TLN2: variants seen among roughly 807,000 people sequenced by gnomAD.
The protein encoded by TLN2 is talin 2.
TLN2 carries 118 observed loss-of-function variants against 294.7 expected under a neutral mutation model. That is an observed-to-expected ratio of 0.40 (90% CI 0.34 to 0.47). The LOEUF (loss-of-function observed/expected upper bound fraction) is 0.47. TLN2 is among the 20% of genes least tolerant of loss of function. The pLI, the probability that TLN2 is intolerant of heterozygous loss-of-function variation, is 0.84. For missense variants in TLN2, 3,083 were observed against 3,282.2 expected (o/e 0.94, Z 1.48); for synonymous variants, 1,431 against 1,304.5 (o/e 1.10, Z -2.09).
Position 62,433,309 on chromosome 15 carries a change from T to C in TLN2, c.-238+42624T>C, listed in dbSNP as rs377596363. Among the ~76,000 whole-genome samples, 3 of 152,202 alleles carry C rather than the reference T, an allele frequency of 2.0e-5. No homozygotes were observed. The South Asian group carries it at 6.2e-4, about 32-fold the overall frequency. ...CTTGTAACTTCTTGTTGTATCTGAATTAAGTCAACTCTAAGGCTGTGGTAT... is the reference window on the plus strand; with the variant it reads ...CTTGTAACTTCTTGTTGTATCTGAACTAAGTCAACTCTAAGGCTGTGGTAT... On this transcript the variant is annotated intron_variant, in intron 1 of 58. Coordinates refer to ENST00000636159, the MANE Select transcript of TLN2 (RefSeq NM_015059.3).
intron 2 of TLN2, among the ~76,000 whole-genome samples, chr15:62,599,370 G>C (rs376107127): frequency 4.6e-5 from 7 of 152,308 alleles, no homozygotes; most frequent in African/African-American, 1.7e-4. Context: ...TGATCTCACT[G>C]TGACTTGAAA....
intron 48 of TLN2, 151 bp from the exon 49 acceptor site, chr15:62,800,217 G>T: frequency 7.9e-7 from 1 of 1,260,600 alleles, no homozygotes; most frequent in Non-Finnish European, 1.1e-6. Flanking sequence ...ATCACCAAGG[G>T]TGGCTTCCCA....
At chr15:62,799,970 T>C (rs868360447) in intron 48 of TLN2, among the ~76,000 whole-genome samples, 20 of 152,168 alleles carry the variant, frequency 1.3e-4, no homozygotes, top group Admixed American at 4.6e-4. Flanking sequence ...GGCAGGGCTG[T>C]TGTGGGGCCT....
intron 1 of TLN2, among the ~76,000 whole-genome samples, chr15:62,460,359 G>T (rs977764738): frequency 1.3e-5 from 2 of 151,686 alleles, no homozygotes; most frequent in African/African-American, 2.4e-5. Flanking sequence ...TCCGCCTCCA[G>T]GTTCAAGCAA....
intron 1 of TLN2, among the ~76,000 whole-genome samples, chr15:62,514,877 C>T (rs1595986520): frequency 2.0e-5 from 3 of 152,162 alleles, no homozygotes; most frequent in Admixed American, 2.0e-4. Context: ...TCAACTTTCC[C>T]AGAAGAGAGT....
At chr15:62,782,600 C>G (rs2064273868) in intron 44 of TLN2, among the ~76,000 whole-genome samples, 1 of 152,206 alleles carries the variant, frequency 6.6e-6, no homozygotes, top group South Asian at 2.1e-4. Context: ...GAAAGAGGCC[C>G]TTCTCACCCC....
At chr15:62,748,496 T>A in intron 33 of TLN2, 52 bp downstream of exon 33, 1 of 1,289,694 alleles carries the variant, frequency 7.8e-7, no homozygotes, top group Non-Finnish European at 1.1e-6. Flanking sequence ...TGTCTGTGTC[T>A]GTGTGTCTGT....
rs943713564 is a variant in TLN2 at position 62,657,154 on chromosome 15, G to T, written c.661-617G>T. Among the ~76,000 whole-genome samples the T allele has an allele frequency of 8.7e-4, 6 of 6,908 alleles. No homozygotes were observed. The South Asian group carries it at 0.036, about 41-fold the overall frequency. The allele number at this position is 6,908 out of a possible 152,430, so 4.5% of individuals were successfully genotyped here. A position where few individuals can be genotyped will look rare whatever the true frequency, so the allele number is the denominator to read the frequency against. ...TAGAGAAAGGAAAGGCTGAAAAGGT[G>T]GGGGGGGGAAGCAACAGCAGTGATG... On this transcript the variant is annotated intron_variant, in intron 8 of 58. Coordinates refer to ENST00000636159, the MANE Select transcript of TLN2 (RefSeq NM_015059.3).
At chr15:62,558,264 A>C (rs1229055910) in intron 1 of TLN2, among the ~76,000 whole-genome samples, 1 of 152,208 alleles carries the variant, frequency 6.6e-6, no homozygotes, top group East Asian at 1.9e-4. Context: ...TTTGTCATCC[A>C]TCTGATGTAG....
intron 1 of TLN2, among the ~76,000 whole-genome samples, chr15:62,442,538 G>A (rs2035606933): frequency 6.7e-6 from 1 of 149,960 alleles, no homozygotes; most frequent in Non-Finnish European, 1.5e-5. Context: ...TCCAGCTGGT[G>A]TCTGCTGGAG....
rs566096861 is a variant in TLN2 at position 62,507,541 on chromosome 15, C to T, written c.-237-82146C>T. Among the ~76,000 whole-genome samples, 11 of 152,300 alleles carry T rather than the reference C, an allele frequency of 7.2e-5. No individual in the cohort carries two copies. The East Asian group carries it at 2.1e-3, about 29-fold the overall frequency. ...ATAACCCAGGCAAGTGCCTGGGAGG[C>T]AGAGCACAGGTGGGTGGGGGTAAAA... On this transcript the variant is annotated intron_variant, in intron 1 of 58. Coordinates refer to ENST00000636159, the MANE Select transcript of TLN2 (RefSeq NM_015059.3).
At chr15:62,781,041 A>G in intron 43 of TLN2, 99 bp from the exon 44 acceptor site, 1 of 841,142 alleles carries the variant, frequency 1.2e-6, no homozygotes, top group Non-Finnish European at 1.9e-6. Flanking sequence ...AGAATCTCTG[A>G]GGCCCTCTCT....
At chr15:62,495,966 C>A (rs1458057461) in intron 1 of TLN2, among the ~76,000 whole-genome samples, 1 of 151,598 alleles carries the variant, frequency 6.6e-6, no homozygotes, top group East Asian at 1.9e-4. Flanking sequence ...AAACAAAAAC[C>A]AAAAACAAAA....
intron 1 of TLN2, among the ~76,000 whole-genome samples, chr15:62,582,195 T>TACACACAGACACACAC (rs2045117061): frequency 1.5e-5 from 1 of 66,474 alleles, no homozygotes; most frequent in Non-Finnish European, 2.9e-5. Context: ...TGTGTATGCA[T>TACACACAGACACACAC]ACACACACAC....
At chr15:62,475,984 CTA>C (rs1278909518) in intron 1 of TLN2, among the ~76,000 whole-genome samples, 1 of 152,202 alleles carries the variant, frequency 6.6e-6, no homozygotes, top group Non-Finnish European at 1.5e-5. Context: ...AGGGCAAGGC[CTA>C]TCTTCTGAGT....
intron 53 of TLN2, among the ~76,000 whole-genome samples, chr15:62,820,285 T>C (rs1180598928): frequency 1.3e-5 from 2 of 151,908 alleles, no homozygotes; most frequent in Non-Finnish European, 2.9e-5. Context: ...ATGCAACTGA[T>C]TTAGAAAACC....
At chr15:62,715,358 A>T (rs184272597) in intron 22 of TLN2, among the ~76,000 whole-genome samples, 5 of 152,242 alleles carry the variant, frequency 3.3e-5, no homozygotes, top group Non-Finnish European at 5.9e-5. Context: ...GAAAGCGTTC[A>T]TAGGAAGAAA....
At chr15:62,708,313 A>G (rs1378465369) in intron 20 of TLN2, among the ~76,000 whole-genome samples, 189 bp from the exon 21 acceptor site, 1 of 152,220 alleles carries the variant, frequency 6.6e-6, no homozygotes, top group Non-Finnish European at 1.5e-5. Flanking sequence ...GTAGAATAGC[A>G]GAGCGTGTGA....
At chr15:62,705,781 G>C (rs2059023121) in intron 19 of TLN2, among the ~76,000 whole-genome samples, 1 of 152,222 alleles carries the variant, frequency 6.6e-6, no homozygotes, top group South Asian at 2.1e-4. Flanking sequence ...TTGTGTGGTA[G>C]ACAAGTGCCA....
Sources: allele counts gnomAD v4.1 joint callset (sites outside exome capture counted in the v4.1 genomes callset), GRCh38; gene constraint gnomAD v4.1.1; transcripts MANE v1.5; gene names NCBI Gene and HGNC (gene_info 2026-07-23, HGNC 2026-07-21).